STAG2: variants seen among roughly 807,000 people sequenced by gnomAD.
STAG2 encodes the protein cohesin subunit SA-2.
In STAG2, 14 loss-of-function variants were observed where a neutral mutation model predicts 108.1. The observed-to-expected ratio is 0.13, with a 90% CI of 0.09 to 0.20. The LOEUF is 0.20. Among genes scored for constraint, STAG2 ranks in the 10% least tolerant of loss-of-function variants. The probability of loss-of-function intolerance (pLI) is 1.00; values close to 1 mark genes in which losing one functional copy is unlikely to be tolerated. For missense variants in STAG2, 440 were observed against 940.9 expected (o/e 0.47, Z 6.96); for synonymous variants, 307 against 302.7 (o/e 1.01, Z -0.15).
intron 1 of STAG2, among the ~76,000 whole-genome samples, chrX:123,987,143 C>T (rs1012708240): frequency 7.3e-5 from 8 of 109,846 alleles, no homozygotes; most frequent in African/African-American, 2.7e-4. Flanking sequence ...CAGGTGTGCG[C>T]CACCATGCCC....
chrX:124,081,200 C>T (rs1216071294), intron 27 of STAG2, among the ~76,000 whole-genome samples, 180 bp from the exon 28 acceptor site: 1 of 111,856 alleles, frequency 8.9e-6, no homozygotes, highest in Non-Finnish European at 1.9e-5. Flanking sequence ...ATAAAAACCT[C>T]CAGTTTAAAT....
At chrX:123,966,114 T>C (rs189960211) in intron 1 of STAG2, among the ~76,000 whole-genome samples, 109 of 111,673 alleles carry the variant, frequency 9.8e-4, no homozygotes, top group Non-Finnish European at 2.4e-4. Flanking sequence ...CATCAGTATA[T>C]ACTGAAGTGT....
Position 124,066,805 on chromosome X carries a change from T to C in STAG2, c.2265+369T>C, listed in dbSNP as rs376473729. Among the ~76,000 whole-genome samples the C allele has an allele frequency of 1.2e-4, 11 of 90,539 alleles. No homozygotes were observed. In the East Asian group the frequency reaches 3.9e-3, roughly 32 times the overall value. 78.6% of individuals were successfully genotyped at this position (90,539 alleles called of 115,157 possible). Reference sequence around the variant, plus strand: ...TATTGTTTTGGGATAACCTTATTCATATTCAAGATCTCTCTAGTGATGTTC... The same window carrying C: ...TATTGTTTTGGGATAACCTTATTCACATTCAAGATCTCTCTAGTGATGTTC... On this transcript the variant is annotated intron_variant, in intron 23 of 34. Coordinates refer to ENST00000371145, the MANE Select transcript of STAG2 (RefSeq NM_001042750.2).
intron 1 of STAG2, among the ~76,000 whole-genome samples, chrX:123,970,226 A>G (rs1201484671): frequency 9.1e-6 from 1 of 109,393 alleles, no homozygotes; most frequent in Non-Finnish European, 1.9e-5. Context: ...TTTCATCCAT[A>G]TTTCCCCCTT....
At chrX:124,095,626 T>A (rs111935362) in intron 34 of STAG2, 177 bp downstream of exon 34, 6 of 423,881 alleles carry the variant, frequency 1.4e-5, no homozygotes, top group African/African-American at 1.0e-4. Flanking sequence ...TGCAATAGTG[T>A]TGACAGATTA....
chrX:123,999,425 C>A (rs777706884), intron 1 of STAG2, among the ~76,000 whole-genome samples: 1 of 110,894 alleles, frequency 9.0e-6, no homozygotes, highest in Admixed American at 9.6e-5. Flanking sequence ...CTCCCTCCTC[C>A]TACCCTCCTC....
At chrX:123,974,165 T>C (rs897234406) in intron 1 of STAG2, among the ~76,000 whole-genome samples, 3 of 111,125 alleles carry the variant, frequency 2.7e-5, no homozygotes, top group African/African-American at 6.5e-5. Context: ...AGCCTTGGAA[T>C]GCTTCAGTCT....
At chrX:124,052,729 T>A (rs1287941380) in intron 13 of STAG2, among the ~76,000 whole-genome samples, 1 of 110,396 alleles carries the variant, frequency 9.1e-6, no homozygotes, top group Non-Finnish European at 1.9e-5. Context: ...TTCTGTTTAA[T>A]TTTTTTTTGA....
intron 17 of STAG2, among the ~76,000 whole-genome samples, chrX:124,062,658 TG>T (rs1431436341): frequency 8.9e-6 from 1 of 111,947 alleles, no homozygotes; most frequent in Non-Finnish European, 1.9e-5. Flanking sequence ...TTAGTCTTAT[TG>T]GATATTGATT....
intron 4 of STAG2, among the ~76,000 whole-genome samples, chrX:124,028,833 T>TA: frequency 1.0e-5 from 1 of 99,321 alleles, no homozygotes; most frequent in African/African-American, 3.7e-5. Context: ...TTTTTTTTTT[T>TA]ATAGAGATGG....
chrX:123,967,733 C>G (rs1156971680), intron 1 of STAG2, among the ~76,000 whole-genome samples: 1 of 111,099 alleles, frequency 9.0e-6, no homozygotes, highest in Non-Finnish European at 1.9e-5. Context: ...CCTGTTGCTC[C>G]TAGGCTACAA....
intron 1 of STAG2, among the ~76,000 whole-genome samples, chrX:124,015,669 G>T (rs148018529): frequency 0.014 from 1,545 of 111,812 alleles, 31 homozygotes; most frequent in African/African-American, 0.047. Context: ...CACCACACCC[G>T]GCCGAATTCT....
At chrX:124,045,391 T>G in intron 8 of STAG2, 23 bp downstream of exon 8, 1 of 1,131,390 alleles carries the variant, frequency 8.8e-7, no homozygotes, top group East Asian at 3.0e-5. Flanking sequence ...AAATATTTTC[T>G]GCATATTGTC....
rs762597866 is a variant in STAG2 at position 124,034,856 on chromosome X, AGTTGTT to A, written c.289-2652_289-2647del. Among the ~76,000 whole-genome samples the A allele has an allele frequency of 2.5e-3, 248 of 100,217 alleles. 1 individual carries two copies. Among genetic ancestry groups the A allele is most frequent in the African/African-American group, 8.0e-3 (226 of 28,240 alleles). 87.0% of individuals were successfully genotyped at this position (100,217 alleles called of 115,157 possible). A position where few individuals can be genotyped will look rare whatever the true frequency, so the allele number is the denominator to read the frequency against. Reference sequence around the variant, plus strand: ...ATTGCCAGGATATACCTATCTCAGTAGTTGTTGTTGTTGTTGTTGTTGTTATTATTA... The same window carrying A: ...ATTGCCAGGATATACCTATCTCAGTAGTTGTTGTTGTTGTTGTTATTATTA... On this transcript the variant is annotated intron_variant, in intron 5 of 34. Coordinates refer to ENST00000371145, the MANE Select transcript of STAG2 (RefSeq NM_001042750.2).
At chrX:124,081,969 G>C (rs1430739770) in intron 28 of STAG2, among the ~76,000 whole-genome samples, 2 of 112,014 alleles carry the variant, frequency 1.8e-5, no homozygotes, top group African/African-American at 6.5e-5. Context: ...CAGCCTGGGG[G>C]ACAGAGCGAG....
intron 1 of STAG2, among the ~76,000 whole-genome samples, chrX:124,005,743 G>GTAT (rs763661482): frequency 1.8e-5 from 2 of 111,684 alleles, no homozygotes; most frequent in African/African-American, 6.5e-5. Context: ...TTTTGGGTTT[G>GTAT]TATTAGTTTT....
At chrX:124,067,077 G>A (rs1321780157) in intron 23 of STAG2, among the ~76,000 whole-genome samples, 1 of 111,272 alleles carries the variant, frequency 9.0e-6, no homozygotes, top group Non-Finnish European at 1.9e-5. Flanking sequence ...TAAGAGTTCT[G>A]GAGTTAGGTG....
intron 1 of STAG2, among the ~76,000 whole-genome samples, chrX:124,013,701 G>A (rs906016929): frequency 9.3e-6 from 1 of 107,210 alleles, no homozygotes; most frequent in African/African-American, 3.3e-5. Context: ...ACAATATTGC[G>A]GCATTCAGGT....
chrX:123,999,430 C>T (rs2055917289), intron 1 of STAG2, among the ~76,000 whole-genome samples: 1 of 110,873 alleles, frequency 9.0e-6, no homozygotes. Context: ...TCCTCCTACC[C>T]TCCTCCCTCC....
Sources: allele counts gnomAD v4.1 joint callset (sites outside exome capture counted in the v4.1 genomes callset), GRCh38; gene constraint gnomAD v4.1.1; transcripts MANE v1.5; gene names NCBI Gene and HGNC (gene_info 2026-07-23, HGNC 2026-07-21).